The following SGCD variants were observed in gnomAD, a reference collection of about 807,000 sequenced individuals.
SGCD encodes the protein delta-sarcoglycan.
In SGCD, 18 loss-of-function variants were observed where a neutral mutation model predicts 36.6. That is an observed-to-expected ratio of 0.49 (90% CI 0.34 to 0.73). The LOEUF is 0.73. Ranked by LOEUF, SGCD falls within the 30% of genes least tolerant of loss-of-function variation. SGCD has a pLI of 0.01. For synonymous variants in SGCD, 133 were observed against 130.6 expected, an observed-to-expected ratio of 1.02 and a Z score of -0.12; for missense variants, 387 against 346.7, an observed-to-expected ratio of 1.12 and a Z score of -0.92.
chr5:156,429,473 T>G (rs931627181), intron 3 of SGCD, among the ~76,000 whole-genome samples: 1 of 152,084 alleles, frequency 6.6e-6, no homozygotes, highest in African/African-American at 2.4e-5. Flanking sequence ...TCTGCCATTC[T>G]GTGTCTTTTA....
At chr5:156,366,767 C>G (rs976822183) in intron 3 of SGCD, among the ~76,000 whole-genome samples, 3 of 152,094 alleles carry the variant, frequency 2.0e-5, no homozygotes, top group African/African-American at 7.2e-5. Context: ...GATGACCACA[C>G]CCAGATAAAT....
At chr5:155,944,861 A>G (rs1476749867) in intron 1 of SGCD, among the ~76,000 whole-genome samples, 1 of 152,112 alleles carries the variant, frequency 6.6e-6, no homozygotes. Flanking sequence ...CTTTAAATAC[A>G]TGATCTTTTG....
At chr5:156,755,030 A>G (rs932838733) in intron 7 of SGCD, among the ~76,000 whole-genome samples, 3 of 152,232 alleles carry the variant, frequency 2.0e-5, no homozygotes, top group African/African-American at 7.2e-5. Context: ...CACAGTTACA[A>G]TAGTCCGGGT....
intron 3 of SGCD, among the ~76,000 whole-genome samples, chr5:156,373,266 T>C (rs1770486739): frequency 6.6e-6 from 1 of 152,218 alleles, no homozygotes; most frequent in African/African-American, 2.4e-5. Flanking sequence ...TCTTTTTCTG[T>C]ACTCTCCAAT....
At chr5:155,801,923 G>A in the SGCD span, among the ~76,000 whole-genome samples, 1 of 152,148 alleles carries the variant, frequency 6.6e-6, no homozygotes, top group Non-Finnish European at 1.5e-5. Flanking sequence ...TTTAGATACT[G>A]TAAGGGCATC....
intron 1 of SGCD, among the ~76,000 whole-genome samples, chr5:155,938,581 G>A (rs1443566843): frequency 2.0e-5 from 3 of 152,128 alleles, no homozygotes; most frequent in Non-Finnish European, 4.4e-5. Context: ...TCTTAATTGG[G>A]CTGTTTATCA....
At chr5:156,708,747 T>G (rs1319712872) in intron 7 of SGCD, among the ~76,000 whole-genome samples, 1 of 152,158 alleles carries the variant, frequency 6.6e-6, no homozygotes, top group Non-Finnish European at 1.5e-5. Flanking sequence ...TGTGTGTGCG[T>G]GTGTGAGAGA....
intron 1 of SGCD, among the ~76,000 whole-genome samples, chr5:155,911,067 T>A (rs373084953): frequency 7.9e-5 from 12 of 152,170 alleles, no homozygotes; most frequent in East Asian, 7.7e-4. Flanking sequence ...TGTATGGGTA[T>A]GATCACAAAC....
At chr5:156,605,100 G>A (rs1432872984) in intron 6 of SGCD, among the ~76,000 whole-genome samples, 1 of 151,924 alleles carries the variant, frequency 6.6e-6, no homozygotes. Context: ...TGCACAACGT[G>A]CAGGTTTGTT....
chr5:155,757,213 G>A, the SGCD span, among the ~76,000 whole-genome samples: 1 of 152,100 alleles, frequency 6.6e-6, no homozygotes, highest in Non-Finnish European at 1.5e-5. Context: ...ATAATAGAAG[G>A]CCTAGAGCTG....
intron 1 of SGCD, among the ~76,000 whole-genome samples, chr5:155,903,128 A>C (rs1212272288): frequency 6.6e-6 from 1 of 152,220 alleles, no homozygotes; most frequent in Non-Finnish European, 1.5e-5. Flanking sequence ...TTTTGAAAGA[A>C]ACAGAGATAG....
chr5:156,424,760 C>T (rs1331130454), intron 3 of SGCD, among the ~76,000 whole-genome samples: 1 of 151,996 alleles, frequency 6.6e-6, no homozygotes, highest in East Asian at 1.9e-4. Context: ...ACGCTAAGCA[C>T]AATCAGCAGA....
chr5:156,394,248 C>A (rs1232046432), intron 3 of SGCD, among the ~76,000 whole-genome samples: 1 of 152,138 alleles, frequency 6.6e-6, no homozygotes, highest in Non-Finnish European at 1.5e-5. Flanking sequence ...AAATTAAGAT[C>A]AGATTGTGAT....
chr5:156,195,516 G>T (rs1764003029), intron 3 of SGCD, among the ~76,000 whole-genome samples: 1 of 152,188 alleles, frequency 6.6e-6, no homozygotes, highest in Admixed American at 6.5e-5. Context: ...ATTGGAAAAT[G>T]CAGGAAAGTG....
Position 156,765,910 on chromosome 5 carries a change from C to A in SGCD, c.*6520C>A, listed in dbSNP as rs1196184450. The stretch of plus-strand genomic sequence containing the variant: ...TTTCCCTGCTTTCTGTAGTCTCTCA[C>A]AGTGACAGCATCTATACTAAAGTAT... On this transcript the variant is annotated 3_prime_UTR_variant, in exon 9 of 9. Transcript: ENST00000337851. The A allele has an allele frequency of 2.0e-5, 3 of 151,942 alleles. No individual in the cohort carries two copies. Among genetic ancestry groups the A allele is most frequent in the Admixed American group, 2.0e-4 (3 of 15,248 alleles). 9.4% of individuals were successfully genotyped at this position (151,942 alleles called of 1,614,324 possible). A position where few individuals can be genotyped will look rare whatever the true frequency, so the allele number is the denominator to read the frequency against.
chr5:155,748,926 A>C, the SGCD span, among the ~76,000 whole-genome samples: 1 of 152,238 alleles, frequency 6.6e-6, no homozygotes, highest in Non-Finnish European at 1.5e-5. Context: ...TGGAGCAGTA[A>C]TAGGAGAGTA....
At chr5:155,951,922 C>T (rs536279668) in intron 1 of SGCD, among the ~76,000 whole-genome samples, 11 of 152,298 alleles carry the variant, frequency 7.2e-5, no homozygotes, top group African/African-American at 2.4e-4. Context: ...TGTCCTCTGA[C>T]CACAAATCAG....
chr5:155,959,805 A>G (rs1757753572), intron 1 of SGCD, among the ~76,000 whole-genome samples: 2 of 152,092 alleles, frequency 1.3e-5, no homozygotes, highest in South Asian at 2.1e-4. Context: ...TAATTCTCAT[A>G]ATATCTCCTG....
chr5:156,678,063 CT>C (rs895556569), intron 7 of SGCD, among the ~76,000 whole-genome samples: 2 of 152,124 alleles, frequency 1.3e-5, no homozygotes, highest in African/African-American at 4.8e-5. Flanking sequence ...ATCCTGATTC[CT>C]GGTCCACATC....
Sources: gnomAD v4.1 joint callset for allele counts (sites outside exome capture counted in the v4.1 genomes callset) on GRCh38, gnomAD v4.1.1 for gene constraint, MANE v1.5 for transcripts, NCBI Gene and HGNC (gene_info 2026-07-23, HGNC 2026-07-21) for gene names.